NDUFAF2: variants seen among roughly 807,000 people sequenced by gnomAD.
The protein encoded by NDUFAF2 is NADH dehydrogenase [ubiquinone] 1 alpha subcomplex assembly factor 2.
NDUFAF2 carries 13 observed loss-of-function variants against 22.8 expected under a neutral mutation model. The ratio of observed to expected loss-of-function variants is 0.57; its 90% CI spans 0.37 to 0.91. NDUFAF2 has a LOEUF of 0.91. Among genes scored for constraint, NDUFAF2 ranks in the 40% least tolerant of loss-of-function variants. The probability of loss-of-function intolerance (pLI) is 0.01; values close to 1 mark genes in which losing one functional copy is unlikely to be tolerated. For missense variants in NDUFAF2, 162 were observed against 195.2 expected, an observed-to-expected ratio of 0.83 and a Z score of 1.01; for synonymous variants, 53 against 64.2, an observed-to-expected ratio of 0.83 and a Z score of 0.84.
At chr5:60,947,532 G>A (rs1223836360) in intron 1 of NDUFAF2, among the ~76,000 whole-genome samples, 4 of 151,994 alleles carry the variant, frequency 2.6e-5, no homozygotes, top group East Asian at 1.9e-4. Context: ...TTGGGAGGCC[G>A]AGGTGGGTGG....
intron 1 of NDUFAF2, among the ~76,000 whole-genome samples, chr5:60,968,969 C>G (rs889724210): frequency 9.9e-5 from 15 of 151,970 alleles, no homozygotes; most frequent in Non-Finnish European, 2.9e-5. Flanking sequence ...TGAAATTTGT[C>G]TTTCTGTGCT....
intron 3 of NDUFAF2, among the ~76,000 whole-genome samples, chr5:61,129,653 G>T (rs1561573761): frequency 7.3e-6 from 1 of 136,612 alleles, no homozygotes; most frequent in African/African-American, 2.7e-5. Context: ...GGGGTAGGGG[G>T]AGGGGGGAGG....
At chr5:61,036,469 T>C (rs1751801983) in intron 1 of NDUFAF2, among the ~76,000 whole-genome samples, 1 of 152,240 alleles carries the variant, frequency 6.6e-6, no homozygotes, top group Non-Finnish European at 1.5e-5. Flanking sequence ...ATGAGACTAA[T>C]AACTATTTTT....
At chr5:60,980,867 T>C (rs1324560913) in intron 1 of NDUFAF2, among the ~76,000 whole-genome samples, 1 of 152,006 alleles carries the variant, frequency 6.6e-6, no homozygotes, top group African/African-American at 2.4e-5. Flanking sequence ...GAAGATGGGC[T>C]ATTTAAAAAT....
intron 1 of NDUFAF2, among the ~76,000 whole-genome samples, chr5:60,988,179 A>T (rs189216893): frequency 2.0e-5 from 3 of 152,210 alleles, no homozygotes; most frequent in Non-Finnish European, 4.4e-5. Context: ...CCCATTCACA[A>T]TTGCCAGAAA....
intron 1 of NDUFAF2, among the ~76,000 whole-genome samples, chr5:60,968,886 A>G (rs1215794248): frequency 6.6e-6 from 1 of 151,764 alleles, no homozygotes; most frequent in Non-Finnish European, 1.5e-5. Context: ...TCTGGTAACC[A>G]TCCTTTTCTG....
Position 60,948,008 on chromosome 5 carries a change from A to G in NDUFAF2, c.127+2626A>G, listed in dbSNP as rs189481825. Among the ~76,000 whole-genome samples, 507 of 152,224 alleles carry G rather than the reference A, an allele frequency of 3.3e-3. 3 individuals carry two copies. The highest frequency in any genetic ancestry group is 5.3e-3 in the Non-Finnish European group (361 of 68,006). ...GTATAATTGACAAAAAAAATTGCCC[A>G]TGCTTAAAATGTATAATTTGGTAAG... On this transcript the variant is annotated intron_variant, in intron 1 of 3. Coordinates refer to ENST00000296597, the MANE Select transcript of NDUFAF2 (RefSeq NM_174889.5).
intron 1 of NDUFAF2, among the ~76,000 whole-genome samples, chr5:61,060,006 A>G (rs1237459787): frequency 6.6e-6 from 1 of 152,200 alleles, no homozygotes; most frequent in African/African-American, 2.4e-5. Context: ...TCTTAAACAG[A>G]AAGAGCTTAT....
chr5:61,052,281 GTCCT>G lies in NDUFAF2; in HGVS notation c.128-20843_128-20840del, dbSNP rs1752033854. ...GGGTCTGTGTTGTTAATCTTTCCTG[GTCCT>G]ATAAGAGAAAAATTATATTTGTTAT... On this transcript the variant is annotated intron_variant, in intron 1 of 3. Transcript: ENST00000296597. Among the ~76,000 whole-genome samples, 2 of 151,882 alleles carry G rather than the reference GTCCT, an allele frequency of 1.3e-5. 1 individual carries two copies. The highest frequency in any genetic ancestry group is 4.2e-4 in the South Asian group (2 of 4,804).
chr5:61,029,997 G>C lies in NDUFAF2; in HGVS notation c.128-43128G>C, dbSNP rs539876309. Among the ~76,000 whole-genome samples, 11 of 152,230 alleles carry C rather than the reference G, an allele frequency of 7.2e-5. No individual in the cohort carries two copies. The South Asian group carries it at 2.3e-3, about 32-fold the overall frequency. ...AAAAGCCTGGGTGACCATGGAAGTA[G>C]TCTGTATTAGCGCCTGGACACCAGA... On this transcript the variant is annotated intron_variant, in intron 1 of 3. Coordinates refer to ENST00000296597, the MANE Select transcript of NDUFAF2 (RefSeq NM_174889.5).
At chr5:61,090,969 T>C (rs1752559831) in intron 2 of NDUFAF2, among the ~76,000 whole-genome samples, 2 of 152,182 alleles carry the variant, frequency 1.3e-5, no homozygotes, top group Admixed American at 1.3e-4. Context: ...GTTAGTTTGC[T>C]AAGGATAATG....
chr5:61,131,376 T>G (rs1579846889), intron 3 of NDUFAF2, among the ~76,000 whole-genome samples: 1 of 151,988 alleles, frequency 6.6e-6, no homozygotes, highest in South Asian at 2.1e-4. Context: ...TTTTGGTTTG[T>G]TTTTTATGTT....
chr5:61,049,916 C>CACAG (rs1359687811), intron 1 of NDUFAF2, among the ~76,000 whole-genome samples: 1 of 151,132 alleles, frequency 6.6e-6, no homozygotes, highest in Non-Finnish European at 1.5e-5. Flanking sequence ...CACACACACA[C>CACAG]AGTCTGACAT....
At chr5:61,062,810 G>C (rs555741933) in intron 1 of NDUFAF2, among the ~76,000 whole-genome samples, 1 of 152,028 alleles carries the variant, frequency 6.6e-6, no homozygotes, top group African/African-American at 2.4e-5. Flanking sequence ...CAAGAAAAAA[G>C]CATCAAGTCA....
At position 61,056,930 on chromosome 5, in the gene NDUFAF2, ATAT is replaced by A. The variant is rs1157166213; in HGVS notation, c.128-16194_128-16192del. Among the ~76,000 whole-genome samples the A allele has an allele frequency of 7.7e-4, 21 of 27,122 alleles. 2 individuals carry two copies. The highest frequency in any genetic ancestry group is 5.2e-3 in the East Asian group (1 of 192). The allele number at this position is 27,122 out of a possible 152,430, so 17.8% of individuals were successfully genotyped here. ...AAAAAAAAAAAAAAAATATATATAT[ATAT>A]ATATATATATATATATATATTTATA... is the stretch of plus-strand genomic sequence containing the variant. On this transcript the variant is annotated intron_variant, in intron 1 of 3. Transcript: ENST00000296597.
At position 61,050,736 on chromosome 5, in the gene NDUFAF2, A is replaced by T. The variant is rs548797888; in HGVS notation, c.128-22389A>T. 3.9e-5 allele frequency among the ~76,000 whole-genome samples: 6 copies of T among 152,326 alleles called. No homozygotes were observed. In the South Asian group the frequency reaches 1.2e-3, roughly 32 times the overall value. On this transcript the variant is annotated intron_variant, in intron 1 of 3. Transcript: ENST00000296597. ...GATTGGAAAAGGGCTGACAGACAGT[A>T]GTCAGCAGTAACACTAATTGACAAT...
In NDUFAF2 at chr5:61,123,172, T is replaced by G. The variant is rs1293566083; in HGVS notation, c.258+24140T>G. On this transcript the variant is annotated intron_variant, in intron 3 of 3. Transcript: ENST00000296597. ...TGTTTCATATTCTCCAGTATCTTGC[T>G]CCCCTTCCCTGGATTACTTGTTCAA... Among the ~76,000 whole-genome samples, 3 of 152,110 alleles carry G rather than the reference T, an allele frequency of 2.0e-5. No individual in the cohort carries two copies. The East Asian group carries it at 5.8e-4, about 29-fold the overall frequency.
chr5:60,958,413 A>C (rs868133629), intron 1 of NDUFAF2, among the ~76,000 whole-genome samples: 4 of 151,974 alleles, frequency 2.6e-5, no homozygotes, highest in African/African-American at 9.7e-5. Context: ...CATTTTTTTC[A>C]TTCATTTTGT....
chr5:60,975,858 A>T (rs1372433727), intron 1 of NDUFAF2, among the ~76,000 whole-genome samples: 1 of 152,228 alleles, frequency 6.6e-6, no homozygotes, highest in Non-Finnish European at 1.5e-5. Context: ...TAGTTCAAGT[A>T]CGATATGCCG....
Sources: allele counts gnomAD v4.1 joint callset (sites outside exome capture counted in the v4.1 genomes callset), GRCh38; gene constraint gnomAD v4.1.1; transcripts MANE v1.5; gene names NCBI Gene and HGNC (gene_info 2026-07-23, HGNC 2026-07-21).